Variants in SORCS3 observed in about 807,000 individuals in gnomAD.
The protein encoded by SORCS3 is sortilin related VPS10 domain containing receptor 3.
A neutral mutation model predicts 146.3 loss-of-function variants in SORCS3; 57 were observed. That is an observed-to-expected ratio of 0.39 (90% CI 0.31 to 0.49). The LOEUF is 0.49. Among genes scored for constraint, SORCS3 ranks in the 20% least tolerant of loss-of-function variants. SORCS3 has a pLI of 0.92. For missense variants in SORCS3, 1,341 were observed against 1,575.5 expected (o/e 0.85, Z 2.52); for synonymous variants, 653 against 618.5 (o/e 1.06, Z -0.83).
At chr10:104,873,632 T>C (rs1809427909) in intron 2 of SORCS3, among the ~76,000 whole-genome samples, 1 of 152,224 alleles carries the variant, frequency 6.6e-6, no homozygotes, top group African/African-American at 2.4e-5. Flanking sequence ...ATGCAATCTC[T>C]CATTTTTATT....
chr10:105,127,792 A>G (rs1293851797), intron 7 of SORCS3, among the ~76,000 whole-genome samples: 6 of 152,194 alleles, frequency 3.9e-5, no homozygotes, highest in Non-Finnish European at 5.9e-5. Flanking sequence ...GAGGAAGAAA[A>G]GATGAACTCC....
intron 16 of SORCS3, among the ~76,000 whole-genome samples, chr10:105,209,784 A>G (rs1000718887): frequency 1.3e-5 from 2 of 152,188 alleles, no homozygotes; most frequent in Non-Finnish European, 2.9e-5. Context: ...GTGTTCAGTT[A>G]AGAGTTTGAT....
At chr10:105,197,463 A>G (rs1008074260) in intron 14 of SORCS3, among the ~76,000 whole-genome samples, 2 of 152,194 alleles carry the variant, frequency 1.3e-5, no homozygotes, top group Non-Finnish European at 2.9e-5. Context: ...CACTCAGTCT[A>G]TATCCTTCTT....
chr10:104,688,080 T>C (rs557661436), intron 1 of SORCS3, among the ~76,000 whole-genome samples: 2 of 152,372 alleles, frequency 1.3e-5, no homozygotes, highest in African/African-American at 4.8e-5. Flanking sequence ...AATACATTTA[T>C]GTGTTGTTTA....
chr10:105,221,711 A>G (rs1461999029), intron 19 of SORCS3, among the ~76,000 whole-genome samples: 2 of 152,190 alleles, frequency 1.3e-5, no homozygotes, highest in Non-Finnish European at 2.9e-5. Flanking sequence ...TCCTCCACCA[A>G]TAAGAATTCA....
chr10:104,880,580 G>T (rs865995285), intron 2 of SORCS3, among the ~76,000 whole-genome samples: 2 of 152,048 alleles, frequency 1.3e-5, no homozygotes, highest in African/African-American at 4.8e-5. Flanking sequence ...CATTTTGGGG[G>T]CAGGGGCTTC....
chr10:104,954,558 A>G (rs1233133289), intron 3 of SORCS3, among the ~76,000 whole-genome samples: 1 of 152,224 alleles, frequency 6.6e-6, no homozygotes, highest in Non-Finnish European at 1.5e-5. Context: ...ACTAATTGTT[A>G]AGAAATAGGA....
At chr10:105,019,411 C>T (rs1206560670) in intron 4 of SORCS3, among the ~76,000 whole-genome samples, 1 of 151,842 alleles carries the variant, frequency 6.6e-6, no homozygotes, top group African/African-American at 2.4e-5. Context: ...ATTTCTACTT[C>T]TCTTCATATA....
chr10:104,702,097 G>A (rs2133431401), intron 1 of SORCS3, among the ~76,000 whole-genome samples: 1 of 152,260 alleles, frequency 6.6e-6, no homozygotes, highest in South Asian at 2.1e-4. Context: ...TGAAACAGAT[G>A]GAGGGTCAGA....
At chr10:104,769,224 C>T (rs1197613933) in intron 1 of SORCS3, among the ~76,000 whole-genome samples, 2 of 152,214 alleles carry the variant, frequency 1.3e-5, no homozygotes, top group African/African-American at 4.8e-5. Flanking sequence ...AGAAATGACA[C>T]TCCTTCCAGG....
chr10:105,194,041 T>C (rs934919542), intron 14 of SORCS3, among the ~76,000 whole-genome samples: 1 of 152,170 alleles, frequency 6.6e-6, no homozygotes, highest in Non-Finnish European at 1.5e-5. Flanking sequence ...TGATTTTTTT[T>C]CCTGAAAATC....
intron 6 of SORCS3, among the ~76,000 whole-genome samples, chr10:105,101,059 T>A (rs2055781190): frequency 6.6e-6 from 1 of 152,216 alleles, no homozygotes; most frequent in Admixed American, 6.5e-5. Flanking sequence ...GCTCAAGAGA[T>A]CTGGACCACT....
chr10:104,846,924 G>A (rs556969067), intron 2 of SORCS3, among the ~76,000 whole-genome samples: 1 of 152,318 alleles, frequency 6.6e-6, no homozygotes, highest in Admixed American at 6.5e-5. Flanking sequence ...CTTCATCTGA[G>A]CCTCCTTCCA....
intron 1 of SORCS3, among the ~76,000 whole-genome samples, chr10:104,688,357 G>T (rs544814136): frequency 3.9e-5 from 6 of 152,220 alleles, no homozygotes; most frequent in Non-Finnish European, 5.9e-5. Flanking sequence ...TGCGTGTGTG[G>T]GGGGGCAGTT....
Position 105,211,230 on chromosome 10 carries a change from A to C in SORCS3, c.2355A>C (p.Gln785His). The C allele has an allele frequency of 6.2e-7, 1 of 1,613,940 alleles. No homozygotes were observed. Among genetic ancestry groups the C allele is most frequent in the Non-Finnish European group, 8.5e-7 (1 of 1,179,858 alleles). Residue 785 changes from glutamine (Q) to histidine (H), a missense_variant, in exon 17 of 27, where the codon CAA (glutamine) becomes CAC (histidine). Physicochemically the swap from Gln to His is conservative, Grantham distance 24. Transcript: ENST00000369701. ...CATCAAAGGACTGCAGCCTTGGTCA[A>C]AGCTACCTTAACAGCACTGGGTAAG... ...ASPSKDCSLG[Q>H]SYLNSTGYRR...
chr10:104,980,392 A>G (rs531331997), intron 4 of SORCS3, among the ~76,000 whole-genome samples: 1 of 152,332 alleles, frequency 6.6e-6, no homozygotes, highest in East Asian at 1.9e-4. Context: ...AGCCCCAGTC[A>G]TCCAGGTTGC....
intron 1 of SORCS3, among the ~76,000 whole-genome samples, chr10:104,794,660 A>AGAGAG (rs2017533426): frequency 8.0e-6 from 1 of 124,702 alleles, no homozygotes. Context: ...AGAGAGAGAG[A>AGAGAG]ATATTATCCA....
chr10:105,161,789 A>AGACTGTG (rs777102481), intron 11 of SORCS3, among the ~76,000 whole-genome samples: 18 of 152,298 alleles, frequency 1.2e-4, no homozygotes, highest in Non-Finnish European at 2.4e-4. Flanking sequence ...AGAGATGAAG[A>AGACTGTG]GACTGTGGGC....
intron 1 of SORCS3, among the ~76,000 whole-genome samples, chr10:104,827,769 T>A (rs1009352549): frequency 6.6e-5 from 10 of 152,170 alleles, no homozygotes; most frequent in Non-Finnish European, 2.9e-5. Flanking sequence ...ACATTGAAAA[T>A]CGATTATATA....
Sources: allele counts gnomAD v4.1 joint callset (sites outside exome capture counted in the v4.1 genomes callset), GRCh38; gene constraint gnomAD v4.1.1; transcripts MANE v1.5; gene names NCBI Gene and HGNC (gene_info 2026-07-23, HGNC 2026-07-21).